COL24A1: variants seen among roughly 807,000 people sequenced by gnomAD.
COL24A1 encodes the protein collagen alpha-1(XXIV) chain.
In COL24A1, 224 loss-of-function variants were observed where a neutral mutation model predicts 253.9. That is an observed-to-expected ratio of 0.88 (90% CI 0.79 to 0.99). The LOEUF (loss-of-function observed/expected upper bound fraction) is 0.99. Ranked by LOEUF, COL24A1 falls within the 50% of genes least tolerant of loss-of-function variation. COL24A1 has a pLI of 0.00. For missense variants in COL24A1, 2,131 were observed against 2,068.5 expected (o/e 1.03, Z -0.59); for synonymous variants, 685 against 673.7 (o/e 1.02, Z -0.26).
chr1:86,139,185 G>GA (rs977313906), intron 2 of COL24A1, among the ~76,000 whole-genome samples: 2 of 151,006 alleles, frequency 1.3e-5, no homozygotes, highest in Admixed American at 6.6e-5. Flanking sequence ...AGAAAGGGGG[G>GA]GGAGAGGGAG....
Position 86,124,922 on chromosome 1 carries a change from A to C in COL24A1, c.1414T>G (p.Tyr472Asp), listed in dbSNP as rs573994153. ...ENSYETELYD[Y>D]YYYEDLNTML... Reference sequence around the variant, plus strand: ...GTATTTAGATCCTCATAATAATAATAATCATAAAGCTCAGTTTCATAGCTA... The same window carrying C: ...GTATTTAGATCCTCATAATAATAATCATCATAAAGCTCAGTTTCATAGCTA... The change falls in exon 3 of 60, where the codon TAT (tyrosine) becomes GAT (aspartate). Residue 472 changes from tyrosine (Y) to aspartate (D), a missense_variant. Physicochemically the swap from Tyr to Asp is radical, Grantham distance 160 (BLOSUM62 -3). Coordinates refer to ENST00000370571, the MANE Select transcript of COL24A1 (RefSeq NM_152890.7). The C allele has an allele frequency of 1.7e-5, 28 of 1,611,672 alleles. No homozygotes were observed. The South Asian group carries it at 2.5e-4, about 15-fold the overall frequency.
chr1:86,032,453 G>A (rs1440128927), intron 13 of COL24A1, among the ~76,000 whole-genome samples: 3 of 152,038 alleles, frequency 2.0e-5, no homozygotes, highest in Non-Finnish European at 2.9e-5. Context: ...CCATAAAAAT[G>A]TATAAAATTT....
chr1:85,767,680 C>G (rs1272404001), intron 53 of COL24A1, among the ~76,000 whole-genome samples: 1 of 151,678 alleles, frequency 6.6e-6, no homozygotes, highest in Non-Finnish European at 1.5e-5. Context: ...GTTGCCTACT[C>G]TAAATGCCAC....
intron 20 of COL24A1, among the ~76,000 whole-genome samples, chr1:85,987,357 C>T (rs1558907107): frequency 1.3e-5 from 2 of 151,724 alleles, no homozygotes; most frequent in South Asian, 2.1e-4. Flanking sequence ...TTTTTCTCCT[C>T]ATCTCTTCCA....
chr1:86,122,867 C>T (rs1217165056), intron 3 of COL24A1, among the ~76,000 whole-genome samples: 1 of 151,946 alleles, frequency 6.6e-6, no homozygotes, highest in African/African-American at 2.4e-5. Context: ...AATACCTCTG[C>T]TTAGAAACCT....
In COL24A1 at chr1:85,777,803, T is replaced by A. The variant is rs72950619; in HGVS notation, c.4339-2094A>T. On this transcript the variant is annotated intron_variant, in intron 52 of 59. Transcript: ENST00000370571. ...AGTACTGTTTTCTCCTATATTCCCT[T>A]CTGAGAAGTTAAATGTAATATCTTA... Among the ~76,000 whole-genome samples, 557 of 152,292 alleles carry A rather than the reference T, an allele frequency of 3.7e-3. 5 individuals carry two copies. Among genetic ancestry groups the A allele is most frequent in the African/African-American group, 0.013 (522 of 41,574 alleles).
At chr1:85,915,953 G>C (rs563999681) in intron 24 of COL24A1, among the ~76,000 whole-genome samples, 49 of 152,248 alleles carry the variant, frequency 3.2e-4, no homozygotes, top group African/African-American at 1.2e-3. Flanking sequence ...TGATCTAGGG[G>C]AGTGAATGCA....
intron 37 of COL24A1, among the ~76,000 whole-genome samples, chr1:85,850,760 G>A (rs1677667481): frequency 6.6e-6 from 1 of 152,104 alleles, no homozygotes; most frequent in African/African-American, 2.4e-5. Flanking sequence ...AGGTATAAAA[G>A]AACATCTTCA....
chr1:86,077,950 T>C (rs1702371514), intron 7 of COL24A1, among the ~76,000 whole-genome samples: 1 of 152,076 alleles, frequency 6.6e-6, no homozygotes, highest in South Asian at 2.1e-4. Flanking sequence ...ACCTGCACAT[T>C]CTGCACATGT....
intron 7 of COL24A1, among the ~76,000 whole-genome samples, chr1:86,077,924 T>C (rs1702369563): frequency 6.6e-6 from 1 of 152,122 alleles, no homozygotes. Context: ...ATGGCACGTG[T>C]ATACCTATGT....
chr1:85,837,279 G>A (rs1021630291), intron 43 of COL24A1, among the ~76,000 whole-genome samples: 4 of 152,064 alleles, frequency 2.6e-5, no homozygotes, highest in Non-Finnish European at 5.9e-5. Flanking sequence ...AATGGTAATC[G>A]CAACAATTTC....
intron 23 of COL24A1, among the ~76,000 whole-genome samples, chr1:85,963,981 A>G (rs1051839679): frequency 6.6e-6 from 1 of 151,790 alleles, no homozygotes; most frequent in African/African-American, 2.4e-5. Flanking sequence ...AGTCAGGTAC[A>G]CATATTCTGC....
intron 35 of COL24A1, among the ~76,000 whole-genome samples, chr1:85,869,175 C>T (rs1169558806): frequency 6.6e-6 from 1 of 152,124 alleles, no homozygotes; most frequent in African/African-American, 2.4e-5. Flanking sequence ...AATGTAAATA[C>T]TGCATCTCAT....
At chr1:85,985,933 T>C (rs1445292709) in intron 20 of COL24A1, among the ~76,000 whole-genome samples, 2 of 151,892 alleles carry the variant, frequency 1.3e-5, no homozygotes, top group East Asian at 3.9e-4. Context: ...AAACAACAAA[T>C]AACTTCTATT....
At chr1:85,790,933 A>G (rs1388545196) in intron 47 of COL24A1, among the ~76,000 whole-genome samples, 1 of 152,188 alleles carries the variant, frequency 6.6e-6, no homozygotes, top group Non-Finnish European at 1.5e-5. Flanking sequence ...TTATCACAGC[A>G]GAATTTCTTC....
At position 86,125,872 on chromosome 1, in the gene COL24A1, T is replaced by C. The variant is rs749533637; in HGVS notation, c.464A>G (p.Asn155Ser). ...CCATTGCTCATCATGAACACTGTAG[T>C]TGAAAACTGCAGGCTGCTTTCCTCT... ...HIRGKQPAVF[N>S]YSVHDEQWHS... Residue 155 changes from asparagine to serine, a missense_variant, in exon 3 of 60, where the codon AAC (asparagine) becomes AGC (serine). Physicochemically the swap from Asn to Ser is conservative, Grantham distance 46. Coordinates refer to ENST00000370571, the MANE Select transcript of COL24A1 (RefSeq NM_152890.7). 11 of 1,613,336 alleles carry C rather than the reference T, an allele frequency of 6.8e-6. No individual in the cohort carries two copies. In the East Asian group the frequency reaches 2.2e-4, roughly 33 times the overall value.
intron 35 of COL24A1, among the ~76,000 whole-genome samples, chr1:85,870,681 G>C (rs1680360774): frequency 6.6e-6 from 1 of 152,164 alleles, no homozygotes; most frequent in Admixed American, 6.5e-5. Flanking sequence ...CAGAATCTCT[G>C]GGACACATTT....
intron 45 of COL24A1, among the ~76,000 whole-genome samples, chr1:85,820,001 C>T (rs891063005): frequency 6.6e-6 from 1 of 152,096 alleles, no homozygotes; most frequent in Non-Finnish European, 1.5e-5. Flanking sequence ...GCATGCACCA[C>T]CACACCCAGC....
chr1:86,141,603 T>C (rs1651088709), intron 2 of COL24A1, among the ~76,000 whole-genome samples: 1 of 152,168 alleles, frequency 6.6e-6, no homozygotes. Flanking sequence ...CCTAACAAAA[T>C]AGTCAGACAG....
Sources: allele counts gnomAD v4.1 joint callset (sites outside exome capture counted in the v4.1 genomes callset), GRCh38; gene constraint gnomAD v4.1.1; transcripts MANE v1.5; gene names NCBI Gene and HGNC (gene_info 2026-07-23, HGNC 2026-07-21).